Variants in TTC4 observed in about 807,000 individuals in gnomAD.
TTC4 encodes hsp70/Hsp90 co-chaperone CNS1 homolog.
TTC4 carries 36 observed loss-of-function variants against 51.9 expected under a neutral mutation model. That is an observed-to-expected ratio of 0.69 (90% confidence interval 0.53 to 0.92). The LOEUF (loss-of-function observed/expected upper bound fraction) is 0.92, where lower values mean the gene tolerates loss of function less well. Among genes scored for constraint, TTC4 ranks in the 40% least tolerant of loss-of-function variants. The pLI, the probability that TTC4 is intolerant of heterozygous loss-of-function variation, is 0.00. For synonymous variants in TTC4, 144 were observed against 164.2 expected, an observed-to-expected ratio of 0.88 and a Z score of 0.94; for missense variants, 399 against 454.6, an observed-to-expected ratio of 0.88 and a Z score of 1.11.
intron 7 of TTC4, among the ~76,000 whole-genome samples, chr1:54,732,863 A>T (rs1387013320): frequency 1.3e-5 from 2 of 151,992 alleles, no homozygotes; most frequent in Non-Finnish European, 2.9e-5. Flanking sequence ...AGACAGGAGG[A>T]TCACTAGAGG....
intron 4 of TTC4, among the ~76,000 whole-genome samples, chr1:54,722,300 C>T (rs1456160959): frequency 1.3e-5 from 2 of 152,076 alleles, no homozygotes; most frequent in East Asian, 3.9e-4. Context: ...CTTTATTCTT[C>T]CTGTTTGCAG....
At chr1:54,727,287 A>T (rs990516867) in intron 5 of TTC4, among the ~76,000 whole-genome samples, 1 of 152,208 alleles carries the variant, frequency 6.6e-6, no homozygotes, top group Non-Finnish European at 1.5e-5. Context: ...GGATAGTGGG[A>T]CAACTGGATA....
rs190071369 is a variant in TTC4 at position 54,733,486 on chromosome 1, T to A, written c.897-143T>A. The A allele has an allele frequency of 4.0e-5, 18 of 452,864 alleles. No individual in the cohort carries two copies. In the Admixed American group the frequency reaches 4.4e-4, roughly 11 times the overall value. The allele number at this position is 452,864 out of a possible 1,614,324, so 28.1% of individuals were successfully genotyped here. On this transcript the variant is annotated intron_variant, in intron 7 of 9. Transcript: ENST00000371281. ...ATAGGACAAGTGATACATATACACA[T>A]TTGGGGTACTGCTGTCAAATGGGTT...
intron 6 of TTC4, 88 bp from the exon 7 acceptor site, chr1:54,731,398 A>G (rs1010070551): frequency 1.7e-5 from 21 of 1,240,148 alleles, no homozygotes; most frequent in Middle Eastern, 3.9e-4. Flanking sequence ...GCCAGGCATT[A>G]TGGTTTCTTT....
chr1:54,741,369 G>A (rs1261798527), intron 9 of TTC4, 42 bp from the exon 10 acceptor site: 1 of 1,524,752 alleles, frequency 6.6e-7, no homozygotes, highest in African/African-American at 1.4e-5. Context: ...GGTTAAGATT[G>A]TAATTAAATT....
At chr1:54,728,281 C>G in intron 5 of TTC4, 65 bp from the exon 6 acceptor site, 1 of 1,418,814 alleles carries the variant, frequency 7.0e-7, no homozygotes. Context: ...AATTTAGGAG[C>G]AGGCTAGTGC....
intron 6 of TTC4, among the ~76,000 whole-genome samples, chr1:54,730,532 T>G (rs974129833): frequency 2.6e-4 from 39 of 152,300 alleles, no homozygotes; most frequent in Non-Finnish European, 3.4e-4. Flanking sequence ...TGTCCAGAAC[T>G]CTTAAAATAT....
chr1:54,737,496 A>G (rs1645960537), intron 8 of TTC4, 86 bp from the exon 9 acceptor site: 1 of 1,277,456 alleles, frequency 7.8e-7, no homozygotes, highest in Non-Finnish European at 1.1e-6. Context: ...AACCGTTGCC[A>G]TCTTTTTAAT....
rs974901754 is a variant in TTC4 at position 54,728,397 on chromosome 1, A to G, written c.646A>G (p.Arg216Gly). Residue 216 changes from arginine (R) to glycine (G), a missense_variant, in exon 6 of 10, where the codon AGG (arginine) becomes GGG (glycine). By Grantham distance (125) the Arg-to-Gly change is moderately radical. Transcript: ENST00000371281. ...AGCCAACTTGAAAGAAAAGAAGGAG[A>G]GGAATCAGAATGAGGCTTTACTCCA... ...RKANLKEKKERNQNEALLQAI... is the reference protein window; with the variant it reads ...RKANLKEKKEGNQNEALLQAI... 5.6e-6 allele frequency: 9 copies of G among 1,613,204 alleles called. No homozygotes were observed. Among genetic ancestry groups the G allele is most frequent in the Non-Finnish European group, 7.6e-6 (9 of 1,179,430 alleles).
At chr1:54,734,291 C>T (rs536342500) in intron 8 of TTC4, among the ~76,000 whole-genome samples, 22 of 151,212 alleles carry the variant, frequency 1.5e-4, no homozygotes, top group South Asian at 4.2e-4. Context: ...AGGCTGGTCT[C>T]GAACTCCTGA....
In TTC4 at chr1:54,741,598, G is replaced by A; in HGVS notation, c.*85G>A. The A allele has an allele frequency of 8.7e-7, 1 of 1,143,128 alleles. No individual in the cohort carries two copies. Among genetic ancestry groups the A allele is most frequent in the Non-Finnish European group, 1.3e-6 (1 of 761,662 alleles). 70.8% of individuals were successfully genotyped at this position (1,143,128 alleles called of 1,614,324 possible). On this transcript the variant is annotated 3_prime_UTR_variant, in exon 10 of 10. Transcript: ENST00000371281. ...TGAATCAGCTGGACATACTGCTGGA[G>A]TCCAGTGCTTTCTTTCCGTCACCCT...
chr1:54,721,113 A>C, intron 3 of TTC4, 50 bp from the exon 4 acceptor site: 1 of 1,583,310 alleles, frequency 6.3e-7, no homozygotes, highest in Non-Finnish European at 8.7e-7. Flanking sequence ...AAATTTTGGA[A>C]ACATTTTGAT....
At chr1:54,731,804 TTA>T in intron 7 of TTC4, 104 bp downstream of exon 7, 11 of 1,108,042 alleles carry the variant, frequency 9.9e-6, no homozygotes, top group Non-Finnish European at 1.4e-5. Context: ...AGATAATGGT[TTA>T]GAGGGTTTCA....
chr1:54,732,346 A>T, intron 7 of TTC4, among the ~76,000 whole-genome samples: 1 of 149,160 alleles, frequency 6.7e-6, no homozygotes, highest in African/African-American at 2.5e-5. Flanking sequence ...TAAAAAAGAG[A>T]TATATGTATG....
chr1:54,720,387 A>C lies in TTC4; in HGVS notation c.392-776A>C, dbSNP rs183787580. ...ATAGTATACTCCAGAAAGTTAAAGT[A>C]TACCTCATGGCTTGCTAGTTTGGAT... On this transcript the variant is annotated intron_variant, in intron 3 of 9. Coordinates refer to ENST00000371281, the MANE Select transcript of TTC4 (RefSeq NM_004623.5). 3.6e-4 allele frequency among the ~76,000 whole-genome samples: 54 copies of C among 151,610 alleles called. 1 individual carries two copies. The highest frequency in any genetic ancestry group is 6.0e-4 in the Non-Finnish European group (41 of 67,944).
In TTC4 at chr1:54,717,483, T is replaced by A. The variant is rs753717931; in HGVS notation, c.230-9T>A. 48 of 1,516,704 alleles carry A rather than the reference T, an allele frequency of 3.2e-5. No homozygotes were observed. Among genetic ancestry groups the A allele is most frequent in the Non-Finnish European group, 4.1e-5 (47 of 1,136,548 alleles). 94.0% of individuals were successfully genotyped at this position (1,516,704 alleles called of 1,614,324 possible). Reference sequence around the variant, plus strand: ...AAGCAATAGTGATTATTTTTCCTCTTCTTTGCAGAACAGGCCAAGACCTAT... The same window carrying A: ...AAGCAATAGTGATTATTTTTCCTCTACTTTGCAGAACAGGCCAAGACCTAT... On this transcript the variant is annotated splice_polypyrimidine_tract_variant and intron_variant, in intron 2 of 9. Coordinates refer to ENST00000371281, the MANE Select transcript of TTC4 (RefSeq NM_004623.5).
At chr1:54,716,049 G>A (rs915279889) in intron 1 of TTC4, 30 bp downstream of exon 1, 15 of 1,541,290 alleles carry the variant, frequency 9.7e-6, no homozygotes, top group East Asian at 2.4e-5. Flanking sequence ...CCCCACGTGT[G>A]TAGGGGCGTC....
chr1:54,716,947 T>C (rs1570027108), intron 2 of TTC4, among the ~76,000 whole-genome samples: 3 of 152,224 alleles, frequency 2.0e-5, no homozygotes, highest in Admixed American at 2.0e-4. Context: ...GCCTTTTGTC[T>C]TAAAGAATCA....
At chr1:54,725,081 C>T (rs1233986038) in intron 5 of TTC4, among the ~76,000 whole-genome samples, 1 of 152,168 alleles carries the variant, frequency 6.6e-6, no homozygotes, top group African/African-American at 2.4e-5. Flanking sequence ...CCAGAGGAGG[C>T]AGAACAGGGT....
Sources: allele counts gnomAD v4.1 joint callset (sites outside exome capture counted in the v4.1 genomes callset), GRCh38; gene constraint gnomAD v4.1.1; transcripts MANE v1.5; gene names NCBI Gene and HGNC (gene_info 2026-07-23, HGNC 2026-07-21).